LDB2: variants seen among roughly 807,000 people sequenced by gnomAD.
LDB2 encodes the protein LIM domain binding 2.
LDB2 carries 12 observed loss-of-function variants against 44.3 expected under a neutral mutation model. The observed-to-expected ratio is 0.27, with a 90% CI of 0.17 to 0.44. The LOEUF is 0.44. Among genes scored for constraint, LDB2 ranks in the 20% least tolerant of loss-of-function variants. The pLI is 1.00. For missense variants in LDB2, 344 were observed against 473.5 expected (o/e 0.73, Z 2.54); for synonymous variants, 164 against 174.8 (o/e 0.94, Z 0.49).
chr4:16,805,717 G>A (rs1778658975), intron 1 of LDB2, among the ~76,000 whole-genome samples: 1 of 152,194 alleles, frequency 6.6e-6, no homozygotes, highest in African/African-American at 2.4e-5. Context: ...GCAATTACAG[G>A]GACGAAAGAT....
intron 2 of LDB2, among the ~76,000 whole-genome samples, chr4:16,690,097 G>T (rs1300671375): frequency 1.3e-5 from 2 of 152,114 alleles, no homozygotes; most frequent in South Asian, 4.1e-4. Context: ...ATTTTTAATG[G>T]CCATGATCTT....
At chr4:16,826,551 T>C (rs1450998573) in intron 1 of LDB2, 1 of 152,216 alleles carries the variant, frequency 6.6e-6, no homozygotes, top group Non-Finnish European at 1.5e-5. Context: ...AAAGACATTG[T>C]CTTTCTAGTG....
chr4:16,661,334 C>T (rs1448234462), intron 2 of LDB2, among the ~76,000 whole-genome samples: 1 of 152,196 alleles, frequency 6.6e-6, no homozygotes, highest in Non-Finnish European at 1.5e-5. Context: ...CTTTCAACTT[C>T]AGAAATACAG....
chr4:16,658,208 T>C (rs990720708), intron 2 of LDB2, among the ~76,000 whole-genome samples: 1 of 152,194 alleles, frequency 6.6e-6, no homozygotes, highest in African/African-American at 2.4e-5. Context: ...GGGCTGTATC[T>C]TATTAAGTTT....
rs1433179379 is a variant in LDB2, at chr4:16,502,371, C to T, written c.*272G>A. On this transcript the variant is annotated 3_prime_UTR_variant, in exon 8 of 8. Coordinates refer to ENST00000304523, the MANE Select transcript of LDB2 (RefSeq NM_001290.5). ...GTTGTTAAAACCGTGCCAGAAGATG[C>T]GCTAGAGTTTTCTCTCATTTTAATT... The T allele has an allele frequency of 1.4e-5, 6 of 436,926 alleles. No individual in the cohort carries two copies. In the East Asian group the frequency reaches 1.9e-4, roughly 14 times the overall value. The allele number at this position is 436,926 out of a possible 1,614,324, so 27.1% of individuals were successfully genotyped here.
chr4:16,806,163 G>T (rs969612958), intron 1 of LDB2, among the ~76,000 whole-genome samples: 1 of 152,186 alleles, frequency 6.6e-6, no homozygotes, highest in African/African-American at 2.4e-5. Context: ...ACCAACTGAT[G>T]GCCATGACTT....
chr4:16,772,050 C>T (rs1770826624), intron 1 of LDB2, among the ~76,000 whole-genome samples: 1 of 152,140 alleles, frequency 6.6e-6, no homozygotes, highest in South Asian at 2.1e-4. Context: ...TGGGGACCTT[C>T]CTTCGGGCCC....
chr4:16,699,989 A>T (rs1560924433), intron 2 of LDB2, among the ~76,000 whole-genome samples: 1 of 152,300 alleles, frequency 6.6e-6, no homozygotes, highest in East Asian at 1.9e-4. Context: ...CCTTATCTGA[A>T]ATGTTTGGGG....
At chr4:16,847,841 T>C (rs1237046427) in intron 1 of LDB2, among the ~76,000 whole-genome samples, 1 of 152,140 alleles carries the variant, frequency 6.6e-6, no homozygotes, top group Non-Finnish European at 1.5e-5. Flanking sequence ...TGGTCTCAAT[T>C]TCCTGACCTC....
chr4:16,725,027 G>A (rs16893890), intron 2 of LDB2, among the ~76,000 whole-genome samples: 16,040 of 152,032 alleles, frequency 0.11, 1,008 homozygotes, highest in Admixed American at 0.17. Flanking sequence ...CTCTGTGTCC[G>A]AAACTAGTAA....
intron 5 of LDB2, among the ~76,000 whole-genome samples, chr4:16,540,315 T>G (rs1733333055): frequency 6.6e-6 from 1 of 152,142 alleles, no homozygotes; most frequent in Non-Finnish European, 1.5e-5. Flanking sequence ...ACTGCAACCT[T>G]GGACATCATT....
intron 2 of LDB2, among the ~76,000 whole-genome samples, chr4:16,687,782 T>G (rs1190493032): frequency 1.3e-5 from 2 of 152,158 alleles, no homozygotes; most frequent in African/African-American, 4.8e-5. Context: ...GGCTAACATG[T>G]AAGAATATGT....
At chr4:16,635,536 T>C (rs1408588087) in intron 2 of LDB2, among the ~76,000 whole-genome samples, 2 of 152,202 alleles carry the variant, frequency 1.3e-5, no homozygotes, top group Non-Finnish European at 2.9e-5. Context: ...ATGCAAACCC[T>C]ATATTTGCTG....
intron 2 of LDB2, among the ~76,000 whole-genome samples, chr4:16,723,644 A>G (rs1013388303): frequency 1.3e-5 from 2 of 151,986 alleles, no homozygotes; most frequent in Non-Finnish European, 2.9e-5. Context: ...TAACCTTATT[A>G]TCTCCTGCCA....
chr4:16,575,327 T>A (rs1423287302), intron 5 of LDB2, among the ~76,000 whole-genome samples: 1 of 152,190 alleles, frequency 6.6e-6, no homozygotes, highest in African/African-American at 2.4e-5. Flanking sequence ...CAGGATAAGA[T>A]GTTTTAAAGT....
At chr4:16,814,003 C>T (rs1326368676) in intron 1 of LDB2, among the ~76,000 whole-genome samples, 1 of 151,866 alleles carries the variant, frequency 6.6e-6, no homozygotes, top group Non-Finnish European at 1.5e-5. Flanking sequence ...TCCCGAGTAG[C>T]TGGGACTACA....
At chr4:16,503,019 A>G (rs1242354246) in intron 7 of LDB2, 146 bp from the exon 8 acceptor site, 1 of 1,569,188 alleles carries the variant, frequency 6.4e-7, no homozygotes, top group Non-Finnish European at 8.6e-7. Context: ...GGGGGCCGAG[A>G]CGCATATTTG....
rs537705201 is a variant in LDB2 at position 16,603,130 on chromosome 4, G to A, written c.236-7255C>T. Among the ~76,000 whole-genome samples, 12 of 152,236 alleles carry A rather than the reference G, an allele frequency of 7.9e-5. No homozygotes were observed. The East Asian group carries it at 9.6e-4, about 12-fold the overall frequency. ...TCTTTCATGGTGACAAAACTCTTTC[G>A]ACTTTGATCTAAAGTACTGACAATA... On this transcript the variant is annotated intron_variant, in intron 2 of 7. Transcript: ENST00000304523.
At chr4:16,681,729 C>A (rs1316524445) in intron 2 of LDB2, among the ~76,000 whole-genome samples, 1 of 146,974 alleles carries the variant, frequency 6.8e-6, no homozygotes, top group East Asian at 2.0e-4. Flanking sequence ...CGCCACGAGG[C>A]CTGGCTCATT....
Sources: gnomAD v4.1 joint callset for allele counts (sites outside exome capture counted in the v4.1 genomes callset) on GRCh38, gnomAD v4.1.1 for gene constraint, MANE v1.5 for transcripts, NCBI Gene and HGNC (gene_info 2026-07-23, HGNC 2026-07-21) for gene names.